PCDHGA2: variants seen among roughly 807,000 people sequenced by gnomAD.
PCDHGA2 encodes protocadherin gamma-A2.
In PCDHGA2, 40 loss-of-function variants were observed where a neutral mutation model predicts 59.2. That is an observed-to-expected ratio of 0.68 (90% confidence interval 0.52 to 0.88). PCDHGA2 has a LOEUF of 0.88. Ranked by LOEUF, PCDHGA2 falls within the 40% of genes least tolerant of loss-of-function variation. PCDHGA2 has a pLI of 0.00. For missense variants in PCDHGA2, 1,226 were observed against 1,204.0 expected (o/e 1.02, Z -0.27); for synonymous variants, 560 against 526.0 (o/e 1.06, Z -0.89).
At chr5:141,399,434 T>C (rs937697147) in intron 1 of PCDHGA2, 1 of 1,614,008 alleles carries the variant, frequency 6.2e-7, no homozygotes. Flanking sequence ...AGCGTCATCC[T>C]ACATATCAGA....
chr5:141,438,597 T>C (rs1343540280), intron 1 of PCDHGA2, among the ~76,000 whole-genome samples: 20 of 38,918 alleles, frequency 5.1e-4, no homozygotes, highest in African/African-American at 1.6e-3. Flanking sequence ...CATACATATA[T>C]ATATATATAT....
intron 1 of PCDHGA2, chr5:141,356,342 T>G (rs1430844725): frequency 6.4e-7 from 1 of 1,555,016 alleles, no homozygotes; most frequent in Non-Finnish European, 8.7e-7. Flanking sequence ...GGAAATGGCC[T>G]AGTCACATGT....
chr5:141,416,828 C>T (rs1014962852), intron 1 of PCDHGA2: 2 of 152,042 alleles, frequency 1.3e-5, no homozygotes, highest in African/African-American at 4.8e-5. Context: ...CGAAGTTTCT[C>T]AAGACCCTTA....
At chr5:141,507,797 C>A (rs933921827) in intron 3 of PCDHGA2, among the ~76,000 whole-genome samples, 1 of 152,240 alleles carries the variant, frequency 6.6e-6, no homozygotes, top group Admixed American at 6.5e-5. Context: ...TCTAAGCCTG[C>A]GCCCTGGGGA....
At chr5:141,446,767 G>A (rs891355909) in intron 1 of PCDHGA2, among the ~76,000 whole-genome samples, 12 of 152,118 alleles carry the variant, frequency 7.9e-5, no homozygotes, top group Non-Finnish European at 1.2e-4. Flanking sequence ...GCGCCCAGCC[G>A]GTTACCATTC....
intron 1 of PCDHGA2, chr5:141,357,786 T>C (rs779369943): frequency 5.2e-5 from 44 of 847,236 alleles, no homozygotes; most frequent in Non-Finnish European, 7.3e-5. Flanking sequence ...TCAACAGTAT[T>C]TACCACACAA....
chr5:141,365,084 C>T lies in PCDHGA2; in HGVS notation c.2424+23689C>T, dbSNP rs75563633. The T allele has an allele frequency of 1.4e-5, 22 of 1,613,718 alleles. No homozygotes were observed. The South Asian group carries it at 1.4e-4, about 10-fold the overall frequency. On this transcript the variant is annotated intron_variant, in intron 1 of 3. Transcript: ENST00000394576. Reference sequence around the variant, plus strand: ...CCCATCCGAGTACAGCGTGAGTGTTCCAGAGAACATACCTGTGGGCACTCG... The same window carrying T: ...CCCATCCGAGTACAGCGTGAGTGTTTCAGAGAACATACCTGTGGGCACTCG...
Position 141,350,862 on chromosome 5 carries a change from A to T in PCDHGA2, c.2424+9467A>T, listed in dbSNP as rs767803001. 3.1e-6 allele frequency: 5 copies of T among 1,613,982 alleles called. No homozygotes were observed. In the South Asian group the frequency reaches 5.5e-5, roughly 18 times the overall value. On this transcript the variant is annotated intron_variant, in intron 1 of 3. Coordinates refer to ENST00000394576, the MANE Select transcript of PCDHGA2 (RefSeq NM_018915.4). Reference sequence around the variant, plus strand: ...CTGGAAAAACCTCTAGACAGGGAACATCAGAGCTCTCATCGCTTAATCCTG... The same window carrying T: ...CTGGAAAAACCTCTAGACAGGGAACTTCAGAGCTCTCATCGCTTAATCCTG...
At chr5:141,462,503 A>G (rs1338834436) in intron 1 of PCDHGA2, among the ~76,000 whole-genome samples, 1 of 152,060 alleles carries the variant, frequency 6.6e-6, no homozygotes, top group East Asian at 1.9e-4. Context: ...ATAATTGTCA[A>G]CTAGATCAAG....
chr5:141,366,156 T>G, intron 1 of PCDHGA2: 2 of 1,614,138 alleles, frequency 1.2e-6, no homozygotes, highest in African/African-American at 1.3e-5. Context: ...TACCGCCTGC[T>G]TAAGGCCAGC....
At position 141,365,064 on chromosome 5, in the gene PCDHGA2, C is replaced by T. The variant is rs779776168; in HGVS notation, c.2424+23669C>T. 5 of 1,613,856 alleles carry T rather than the reference C, an allele frequency of 3.1e-6. No homozygotes were observed. The Middle Eastern group carries it at 6.6e-4, about 213-fold the overall frequency. ...GACAATGCGCCCCTGTTCACCCCAT[C>T]CGAGTACAGCGTGAGTGTTCCAGAG... On this transcript the variant is annotated intron_variant, in intron 1 of 3. Coordinates refer to ENST00000394576, the MANE Select transcript of PCDHGA2 (RefSeq NM_018915.4).
chr5:141,357,205 C>T (rs1292971375), intron 1 of PCDHGA2: 1 of 1,613,850 alleles, frequency 6.2e-7, no homozygotes, highest in Non-Finnish European at 8.5e-7. Context: ...CGACAGCATC[C>T]CAGATGTCCT....
chr5:141,409,868 A>C (rs2095328786), intron 1 of PCDHGA2: 2 of 1,612,688 alleles, frequency 1.2e-6, no homozygotes, highest in Admixed American at 1.7e-5. Flanking sequence ...GGGAGACCGC[A>C]ATGACAACGC....
chr5:141,447,299 C>A (rs543731556), intron 1 of PCDHGA2, among the ~76,000 whole-genome samples: 38 of 152,102 alleles, frequency 2.5e-4, no homozygotes, highest in Middle Eastern at 6.8e-3. Context: ...GCCACCACAC[C>A]CGGCTAATTT....
intron 1 of PCDHGA2, among the ~76,000 whole-genome samples, chr5:141,364,030 G>A (rs1227147450): frequency 6.6e-6 from 1 of 152,184 alleles, no homozygotes; most frequent in East Asian, 1.9e-4. Flanking sequence ...AAACATTAAG[G>A]ATATGGCAAC....
intron 1 of PCDHGA2, chr5:141,351,461 G>T: frequency 6.2e-7 from 1 of 1,613,570 alleles, no homozygotes; most frequent in South Asian, 1.1e-5. Flanking sequence ...TTACAAGCTG[G>T]TGATTGCTGG....
At chr5:141,389,195 C>T (rs764168847) in intron 1 of PCDHGA2, 2 of 1,614,052 alleles carry the variant, frequency 1.2e-6, no homozygotes, top group Non-Finnish European at 1.7e-6. Flanking sequence ...CCAGCATCAC[C>T]CTGCACATTG....
Position 141,352,554 on chromosome 5 carries a change from A to C in PCDHGA2, c.2424+11159A>C, listed in dbSNP as rs183312809. Reference sequence around the variant, plus strand: ...GCAAAGACAGAGTTTAATTCTCTCAACCTGACACCGGAAATGGCTCCCCCT... The same window carrying C: ...GCAAAGACAGAGTTTAATTCTCTCACCCTGACACCGGAAATGGCTCCCCCT... On this transcript the variant is annotated intron_variant, in intron 1 of 3. Coordinates refer to ENST00000394576, the MANE Select transcript of PCDHGA2 (RefSeq NM_018915.4). 4.7e-4 allele frequency: 760 copies of C among 1,613,922 alleles called. 6 individuals are homozygous for C. The African/African-American group carries it at 8.3e-3, about 18-fold the overall frequency.
rs763840734 is a variant in PCDHGA2, at chr5:141,428,113, T to C, written c.2425-66694T>C. The stretch of plus-strand genomic sequence containing the variant: ...CTGTCCTACCACGTGCTGCAGGCCA[T>C]CGAGCCCGGGCTTTTCAGCCTGGGG... On this transcript the variant is annotated intron_variant, in intron 1 of 3. Transcript: ENST00000394576. 1.0e-5 allele frequency: 16 copies of C among 1,607,374 alleles called. No homozygotes were observed. In the African/African-American group the frequency reaches 1.9e-4, roughly 19 times the overall value.
Sources: gnomAD v4.1 joint callset for allele counts (sites outside exome capture counted in the v4.1 genomes callset) on GRCh38, gnomAD v4.1.1 for gene constraint, MANE v1.5 for transcripts, NCBI Gene and HGNC (gene_info 2026-07-23, HGNC 2026-07-21) for gene names.